The following MOB1A variants were observed in gnomAD, a reference collection of about 807,000 sequenced individuals.
The protein encoded by MOB1A is MOB1 Mps One Binder homolog A.
A neutral mutation model predicts 25.1 loss-of-function variants in MOB1A; 10 were observed. The ratio of observed to expected loss-of-function variants is 0.40; its 90% CI spans 0.25 to 0.68. MOB1A has a LOEUF of 0.68. Among genes scored for constraint, MOB1A ranks in the 30% least tolerant of loss-of-function variants. The pLI is 0.40. For synonymous variants in MOB1A, 81 were observed against 79.5 expected (o/e 1.02, Z -0.10); for missense variants, 177 against 256.3 (o/e 0.69, Z 2.11).
chr2:74,160,099 TA>T (rs1692923544), intron 4 of MOB1A, among the ~76,000 whole-genome samples: 1 of 152,014 alleles, frequency 6.6e-6, no homozygotes, highest in Non-Finnish European at 1.5e-5. Flanking sequence ...TTTAGTTCTT[TA>T]ATATTAGAGA....
intron 3 of MOB1A, among the ~76,000 whole-genome samples, chr2:74,166,163 T>C (rs1693123538): frequency 2.0e-5 from 3 of 152,080 alleles, no homozygotes; most frequent in Admixed American, 1.3e-4. Context: ...CATCATATGA[T>C]GGACTTAATA....
At chr2:74,161,340 T>G (rs1692965984) in intron 4 of MOB1A, among the ~76,000 whole-genome samples, 1 of 152,128 alleles carries the variant, frequency 6.6e-6, no homozygotes, top group Non-Finnish European at 1.5e-5. Flanking sequence ...CTTGTATTCA[T>G]GTATTGAAAA....
In MOB1A at chr2:74,152,719, A is replaced by G. The variant is rs908687594; in HGVS notation, c.*3849T>C. 1 of 152,252 alleles carries G rather than the reference A, an allele frequency of 6.6e-6. No homozygotes were observed. The highest frequency in any genetic ancestry group is 1.5e-5 in the Non-Finnish European group (1 of 68,046). 9.4% of individuals were successfully genotyped at this position (152,252 alleles called of 1,614,324 possible). On this transcript the variant is annotated 3_prime_UTR_variant, in exon 6 of 6. Coordinates refer to ENST00000396049, the MANE Select transcript of MOB1A (RefSeq NM_018221.5). ...GCCCCTAAGGATTTTAAAACACAAC[A>G]TAAATTTTTATGTAAAGAACATTTA... is the stretch of plus-strand genomic sequence containing the variant.
rs984669946 is a variant in MOB1A, at chr2:74,154,660, C to T, written c.*1908G>A. The T allele has an allele frequency of 2.0e-5, 3 of 152,172 alleles. No homozygotes were observed. The highest frequency in any genetic ancestry group is 7.2e-5 in the African/African-American group (3 of 41,444). 9.4% of individuals were successfully genotyped at this position (152,172 alleles called of 1,614,324 possible). On this transcript the variant is annotated 3_prime_UTR_variant, in exon 6 of 6. Transcript: ENST00000396049. ...AGCCTAGCTGAGAAACTAGTTTCAT[C>T]ACTTGTGGACTTAAAAAAGTAAAGC...
At chr2:74,175,384 C>T (rs1693423176) in intron 1 of MOB1A, among the ~76,000 whole-genome samples, 1 of 152,142 alleles carries the variant, frequency 6.6e-6, no homozygotes, top group Admixed American at 6.6e-5. Flanking sequence ...AAACCATCTC[C>T]CCAACCAGAT....
At chr2:74,159,944 G>A (rs1319653141) in intron 4 of MOB1A, among the ~76,000 whole-genome samples, 1 of 150,894 alleles carries the variant, frequency 6.6e-6, no homozygotes, top group Non-Finnish European at 1.5e-5. Flanking sequence ...AGCCTCCAAA[G>A]TAGCTGGGAC....
intron 5 of MOB1A, among the ~76,000 whole-genome samples, chr2:74,158,441 C>T (rs929320519): frequency 6.6e-6 from 1 of 152,146 alleles, no homozygotes; most frequent in African/African-American, 2.4e-5. Context: ...AGGCTAAAGG[C>T]ATACCAATTC....
At chr2:74,163,990 G>C (rs548095405) in intron 4 of MOB1A, 5 of 152,158 alleles carry the variant, frequency 3.3e-5, no homozygotes, top group African/African-American at 1.2e-4. Flanking sequence ...TGAAAAAGAA[G>C]AGCGAGGAAG....
At chr2:74,172,891 C>A in intron 1 of MOB1A, 139 bp from the exon 2 acceptor site, 1 of 884,132 alleles carries the variant, frequency 1.1e-6, no homozygotes. Flanking sequence ...GTGGCTCATG[C>A]CTGTAATCCC....
intron 2 of MOB1A, among the ~76,000 whole-genome samples, chr2:74,171,759 TG>T (rs1187372893): frequency 2.0e-5 from 3 of 151,966 alleles, no homozygotes; most frequent in Non-Finnish European, 2.9e-5. Context: ...AAAAATTAGC[TG>T]GGTGTGGTGG....
chr2:74,159,802 A>C (rs369873814), intron 4 of MOB1A, among the ~76,000 whole-genome samples: 1 of 148,158 alleles, frequency 6.7e-6, no homozygotes, highest in Non-Finnish European at 1.5e-5. Context: ...CTGTAGTTTT[A>C]GTTTTTTGTT....
At position 74,178,748 on chromosome 2, in the gene MOB1A, G is replaced by T; in HGVS notation, c.-74C>A. ...CAGGATTCGGAGCTGGCTAGAGGGA[G>T]CGGACCGTCCTTAGCTCACGGGCAG... On this transcript the variant is annotated 5_prime_UTR_variant, in exon 1 of 6. Transcript: ENST00000396049. 1 of 835,470 alleles carries T rather than the reference G, an allele frequency of 1.2e-6. No individual in the cohort carries two copies. Among genetic ancestry groups the T allele is most frequent in the Non-Finnish European group, 1.6e-6 (1 of 613,318 alleles). 51.8% of individuals were successfully genotyped at this position (835,470 alleles called of 1,614,324 possible). A position where few individuals can be genotyped will look rare whatever the true frequency, so the allele number is the denominator to read the frequency against.
At position 74,172,744 on chromosome 2, in the gene MOB1A, C is replaced by T. The variant is rs770969409; in HGVS notation, c.23G>A (p.Arg8His). MSFLFSS[R>H]SSKTFKPKKN... ...CTTTGGTTTGAATGTTTTAGAAGAG[C>T]GGCTGCTGCTGTAAGATTAAAAGTG... The change falls in exon 2 of 6, where the codon CGC becomes CAC. Residue 8 changes from arginine to histidine, a missense_variant. Arg to His is a conservative substitution (Grantham distance 29, BLOSUM62 0). Transcript: ENST00000396049. The T allele has an allele frequency of 1.2e-6, 2 of 1,613,004 alleles. No homozygotes were observed.
intron 5 of MOB1A, 80 bp from the exon 6 acceptor site, chr2:74,156,725 C>G: frequency 1.0e-6 from 1 of 988,274 alleles, no homozygotes; most frequent in Non-Finnish European, 1.5e-6. Flanking sequence ...AAGGGATTCC[C>G]AACTCTAGTT....
At chr2:74,169,018 G>A (rs1324682845) in intron 2 of MOB1A, among the ~76,000 whole-genome samples, 2 of 152,282 alleles carry the variant, frequency 1.3e-5, no homozygotes, top group Admixed American at 6.5e-5. Context: ...TCCATGATGT[G>A]TAATATCACA....
At chr2:74,156,682 C>T (rs1337330739) in intron 5 of MOB1A, 37 bp from the exon 6 acceptor site, 12 of 1,434,814 alleles carry the variant, frequency 8.4e-6, no homozygotes, top group Non-Finnish European at 1.1e-5. Flanking sequence ...AAAAATGGAT[C>T]TAAAACTGAA....
intron 4 of MOB1A, among the ~76,000 whole-genome samples, chr2:74,161,442 G>A (rs543764316): frequency 7.3e-5 from 11 of 151,448 alleles, no homozygotes; most frequent in African/African-American, 2.4e-4. Flanking sequence ...AGGAGATCGA[G>A]ACCATCCTGG....
At chr2:74,167,219 C>A in intron 2 of MOB1A, 112 bp from the exon 3 acceptor site, 1 of 716,666 alleles carries the variant, frequency 1.4e-6, no homozygotes. Flanking sequence ...ACCCTTGAGA[C>A]ATTCAATAAT....
In MOB1A at chr2:74,159,136, C is replaced by T. The variant is rs768447894; in HGVS notation, c.528G>A (p.Glu176=). ...HFDSVMQLQE[E]AHLNTSFKHF... ...GCTTAAAGGAGGTGTTGAGGTGGGC[C>T]TCCTCTTGCAGCTGCATCACAGAAT... Residue 176 remains glutamate, a synonymous_variant, in exon 5 of 6, where the codon GAG becomes GAA. Coordinates refer to ENST00000396049, the MANE Select transcript of MOB1A (RefSeq NM_018221.5). 3 of 1,613,842 alleles carry T rather than the reference C, an allele frequency of 1.9e-6. No homozygotes were observed. Among genetic ancestry groups the T allele is most frequent in the African/African-American group, 2.7e-5 (2 of 74,914 alleles).
Sources: gnomAD v4.1 joint callset for allele counts (sites outside exome capture counted in the v4.1 genomes callset) on GRCh38, gnomAD v4.1.1 for gene constraint, MANE v1.5 for transcripts, NCBI Gene and HGNC (gene_info 2026-07-23, HGNC 2026-07-21) for gene names.